The following METTL16 variants were observed in gnomAD, a reference collection of about 807,000 sequenced individuals.
METTL16 encodes RNA N(6)-adenosine-methyltransferase METTL16.
A neutral mutation model predicts 57.9 loss-of-function variants in METTL16; 19 were observed. That is an observed-to-expected ratio of 0.33 (90% CI 0.23 to 0.48). METTL16 has a LOEUF of 0.48. METTL16 is among the 20% of genes least tolerant of loss of function. METTL16 has a pLI of 0.99. For synonymous variants in METTL16, 246 were observed against 255.6 expected (o/e 0.96, Z 0.36); for missense variants, 434 against 691.5 (o/e 0.63, Z 4.18).
chr17:2,420,973 T>C lies in METTL16; in HGVS notation c.889-69A>G. On this transcript the variant is annotated intron_variant, in intron 8 of 9. Coordinates refer to ENST00000263092, the MANE Select transcript of METTL16 (RefSeq NM_024086.4). The surrounding 1 kb of genome is among the most constrained non-coding windows in gnomAD (Gnocchi z 5.4). ...AATAATTAAACCTCATGCATTGTAA[T>C]GAACTCAGAGAAAATTTCCACAACT... 6.5e-7 allele frequency: 1 copy of C among 1,534,468 alleles called. No individual in the cohort carries two copies. Among genetic ancestry groups the C allele is most frequent in the Non-Finnish European group, 8.8e-7 (1 of 1,130,786 alleles).
At chr17:2,488,344 G>C (rs554315910) in intron 2 of METTL16, among the ~76,000 whole-genome samples, 1 of 152,296 alleles carries the variant, frequency 6.6e-6, no homozygotes, top group Admixed American at 6.5e-5. Flanking sequence ...ATCACCTGAG[G>C]TCAGGAGTTT....
At chr17:2,498,605 G>A (rs1212406102) in intron 2 of METTL16, among the ~76,000 whole-genome samples, 2 of 151,168 alleles carry the variant, frequency 1.3e-5, no homozygotes, top group African/African-American at 4.9e-5. Flanking sequence ...TGGCCGTGGT[G>A]GTGCGAGCCT....
chr17:2,422,038 G>A (rs374670486), intron 8 of METTL16, among the ~76,000 whole-genome samples: 8 of 152,154 alleles, frequency 5.3e-5, no homozygotes, highest in East Asian at 1.9e-4. Flanking sequence ...CCTGCCGGGC[G>A]CGGTGGCTCA....
intron 2 of METTL16, among the ~76,000 whole-genome samples, chr17:2,494,841 A>G (rs1167202129): frequency 6.6e-6 from 1 of 152,018 alleles, no homozygotes; most frequent in African/African-American, 2.4e-5. Context: ...CTACTAAAAT[A>G]CAAAAAAACA....
At chr17:2,457,710 C>CA (rs749572968) in intron 6 of METTL16, among the ~76,000 whole-genome samples, 15,916 of 104,910 alleles carry the variant, frequency 0.15, 1,228 homozygotes, top group East Asian at 0.5. Context: ...GACTCTGTCT[C>CA]AAAAAAAAAA....
chr17:2,469,314 A>G (rs1195401517), intron 4 of METTL16, among the ~76,000 whole-genome samples: 1 of 152,234 alleles, frequency 6.6e-6, no homozygotes, highest in Non-Finnish European at 1.5e-5. Context: ...CAATGGAGAA[A>G]TAAAACAAAT....
At chr17:2,508,179 T>G (rs374427007) in intron 1 of METTL16, among the ~76,000 whole-genome samples, 15 of 152,340 alleles carry the variant, frequency 9.8e-5, no homozygotes, top group African/African-American at 3.4e-4. Context: ...AATAAATATT[T>G]TTCTTTTGCA....
chr17:2,506,120 G>GT (rs1304948831), intron 1 of METTL16, among the ~76,000 whole-genome samples: 1 of 151,890 alleles, frequency 6.6e-6, no homozygotes, highest in Non-Finnish European at 1.5e-5. Context: ...TATCTGTAAC[G>GT]TTTTTTCCTC....
At chr17:2,507,693 A>T (rs1472183591) in intron 1 of METTL16, among the ~76,000 whole-genome samples, 2 of 152,244 alleles carry the variant, frequency 1.3e-5, no homozygotes, top group Non-Finnish European at 2.9e-5. Flanking sequence ...AAAGGGGGAA[A>T]GGTGGGGAAA....
rs532588634 is a variant in METTL16, at chr17:2,507,437, C to A, written c.-1+4322G>T. Among the ~76,000 whole-genome samples, 16 of 150,178 alleles carry A rather than the reference C, an allele frequency of 1.1e-4. No homozygotes were observed. The South Asian group carries it at 3.2e-3, about 30-fold the overall frequency. On this transcript the variant is annotated intron_variant, in intron 1 of 9. Coordinates refer to ENST00000263092, the MANE Select transcript of METTL16 (RefSeq NM_024086.4). ...CCGGGAGGTGAGGGGTGCCTCTGCC[C>A]GGCCGCCCCTACTGGGAAGTGAGGA...
intron 8 of METTL16, among the ~76,000 whole-genome samples, chr17:2,434,365 C>A (rs1206209791): frequency 6.6e-6 from 1 of 152,130 alleles, no homozygotes; most frequent in Non-Finnish European, 1.5e-5. Context: ...CAGGTGTGCA[C>A]CACCACGCCC....
In METTL16 at chr17:2,477,842, T is replaced by A; in HGVS notation, c.172A>T (p.Thr58Ser). The A allele has an allele frequency of 6.2e-7, 1 of 1,614,022 alleles. No homozygotes were observed. Among genetic ancestry groups the A allele is most frequent in the Non-Finnish European group, 8.5e-7 (1 of 1,179,954 alleles). The change falls in exon 3 of 10, where the codon ACT (threonine) becomes TCT (serine). Residue 58 changes from threonine (T) to serine (S), a missense_variant. This residue lies in a region of METTL16 where 118 missense variants were observed against 280.0 expected (regional missense o/e 0.42). Coordinates refer to ENST00000263092, the MANE Select transcript of METTL16 (RefSeq NM_024086.4). ...DPEAVRALTC[T>S]LLREDFGLSI... is the part of the protein sequence containing the mutation. ...AGTCCAAAATCTTCCCTTAGGAGAGTACACGTCAGAGCTCTGACTGCTTCG... is the reference window on the plus strand; with the variant it reads ...AGTCCAAAATCTTCCCTTAGGAGAGAACACGTCAGAGCTCTGACTGCTTCG...
At position 2,441,688 on chromosome 17, in the gene METTL16, T is replaced by G. The variant is rs2066953065; in HGVS notation, c.729-129A>C. 3 of 495,230 alleles carry G rather than the reference T, an allele frequency of 6.1e-6. No homozygotes were observed. In the South Asian group the frequency reaches 1.2e-4, roughly 20 times the overall value. 30.7% of individuals were successfully genotyped at this position (495,230 alleles called of 1,614,324 possible). ...TGAGTAAGGTCACAAGTGAAAAATA[T>G]CAGGAATTACATACAATGTATTTCG... On this transcript the variant is annotated intron_variant, in intron 6 of 9. Transcript: ENST00000263092.
intron 6 of METTL16, 86 bp from the exon 7 acceptor site, chr17:2,441,645 AC>A: frequency 1.4e-6 from 1 of 723,494 alleles, no homozygotes; most frequent in Admixed American, 3.8e-5. Context: ...TAAGATGAGA[AC>A]AGTAACAAAC....
chr17:2,424,168 C>T (rs1257585402), intron 8 of METTL16: 1 of 149,788 alleles, frequency 6.7e-6, no homozygotes, highest in Non-Finnish European at 1.5e-5. Context: ...GGCTGGAGTG[C>T]AGTGGCGGGA....
intron 1 of METTL16, among the ~76,000 whole-genome samples, chr17:2,507,977 A>T (rs532432586): frequency 1.4e-4 from 21 of 152,200 alleles, no homozygotes; most frequent in Non-Finnish European, 2.1e-4. Flanking sequence ...GTACCCAGGG[A>T]CACAAACACT....
At chr17:2,465,260 C>G (rs2067183226) in intron 5 of METTL16, among the ~76,000 whole-genome samples, 1 of 151,866 alleles carries the variant, frequency 6.6e-6, no homozygotes, top group South Asian at 2.1e-4. Flanking sequence ...AAAGACAGAT[C>G]AGGCCGGGCG....
At chr17:2,488,760 A>C (rs180945565) in intron 2 of METTL16, among the ~76,000 whole-genome samples, 120 of 152,288 alleles carry the variant, frequency 7.9e-4, no homozygotes, top group African/African-American at 2.7e-3. Context: ...GCACAACAAC[A>C]AGCACAGGGT....
At chr17:2,469,703 T>A (rs1330171575) in intron 4 of METTL16, among the ~76,000 whole-genome samples, 2 of 152,152 alleles carry the variant, frequency 1.3e-5, no homozygotes, top group African/African-American at 4.8e-5. Flanking sequence ...TTTTGTATTT[T>A]TAGTAGAGAT....
Sources: gnomAD v4.1 joint callset for allele counts (sites outside exome capture counted in the v4.1 genomes callset) on GRCh38, gnomAD v4.1.1 for gene constraint, gnomAD v4.1.1 regional missense constraint, Gnocchi (gnomAD v3.1) non-coding constraint, MANE v1.5 for transcripts, NCBI Gene and HGNC (gene_info 2026-07-23, HGNC 2026-07-21) for gene names.